Variants in NELL1 observed in about 807,000 individuals in gnomAD.
The protein encoded by NELL1 is protein kinase C-binding protein NELL1.
NELL1 carries 76 observed loss-of-function variants against 107.4 expected under a neutral mutation model. The observed-to-expected ratio is 0.71, with a 90% CI of 0.59 to 0.86. NELL1 has a LOEUF of 0.86. NELL1 is among the 40% of genes least tolerant of loss of function. The pLI, the probability that NELL1 is intolerant of heterozygous loss-of-function variation, is 0.00. For missense variants in NELL1, 1,024 were observed against 1,005.5 expected, an observed-to-expected ratio of 1.02 and a Z score of -0.25; for synonymous variants, 353 against 341.2, an observed-to-expected ratio of 1.03 and a Z score of -0.38.
intron 15 of NELL1, among the ~76,000 whole-genome samples, chr11:21,392,983 G>T (rs942685346): frequency 7.7e-6 from 1 of 130,110 alleles, no homozygotes; most frequent in African/African-American, 2.8e-5. Flanking sequence ...ACTAAAGATA[G>T]TTAAGTCAGA....
intron 2 of NELL1, among the ~76,000 whole-genome samples, chr11:20,736,464 C>A (rs1040151296): frequency 6.8e-6 from 1 of 146,140 alleles, no homozygotes; most frequent in African/African-American, 2.4e-5. Flanking sequence ...TCAAAGCTGG[C>A]CCCTGTCATC....
At chr11:21,071,764 A>G (rs1423279940) in intron 12 of NELL1, among the ~76,000 whole-genome samples, 1 of 152,174 alleles carries the variant, frequency 6.6e-6, no homozygotes, top group African/African-American at 2.4e-5. Context: ...CGGCTCTAAG[A>G]GGGGAGAGGA....
At chr11:21,235,125 G>T (rs1475485966) in intron 14 of NELL1, among the ~76,000 whole-genome samples, 1 of 152,134 alleles carries the variant, frequency 6.6e-6, no homozygotes, top group African/African-American at 2.4e-5. Flanking sequence ...AAGAATTCAG[G>T]AAGGTGCCAA....
At chr11:21,088,583 A>G (rs1854452581) in intron 12 of NELL1, among the ~76,000 whole-genome samples, 1 of 152,144 alleles carries the variant, frequency 6.6e-6, no homozygotes, top group African/African-American at 2.4e-5. Flanking sequence ...TTTTTTTCTT[A>G]ACTTTACACA....
chr11:21,307,743 G>A (rs1849638810), intron 14 of NELL1, among the ~76,000 whole-genome samples: 1 of 151,810 alleles, frequency 6.6e-6, no homozygotes, highest in Admixed American at 6.6e-5. Flanking sequence ...TAAGATAACA[G>A]GCAAAATTTA....
chr11:21,328,546 G>A (rs1476318794), intron 14 of NELL1, among the ~76,000 whole-genome samples: 2 of 152,138 alleles, frequency 1.3e-5, no homozygotes, highest in Non-Finnish European at 2.9e-5. Context: ...TCCCACTGGG[G>A]CACTGCCTGG....
intron 7 of NELL1, among the ~76,000 whole-genome samples, chr11:20,922,609 G>T (rs568164480): frequency 9.9e-5 from 15 of 152,044 alleles, no homozygotes; most frequent in Non-Finnish European, 1.6e-4. Flanking sequence ...GCCGATTGTG[G>T]CAGAATTCAG....
intron 2 of NELL1, among the ~76,000 whole-genome samples, chr11:20,703,766 A>G (rs535345163): frequency 1.3e-5 from 2 of 151,694 alleles, no homozygotes; most frequent in African/African-American, 4.9e-5. Flanking sequence ...TATGTACCCG[A>G]AAGTCATTCA....
chr11:21,391,673 G>A (rs1851881608), intron 15 of NELL1, among the ~76,000 whole-genome samples: 1 of 151,474 alleles, frequency 6.6e-6, no homozygotes, highest in Non-Finnish European at 1.5e-5. Context: ...TTTGAGACAG[G>A]GTCTCACCCT....
intron 2 of NELL1, 125 bp from the exon 3 acceptor site, chr11:20,783,555 A>G: frequency 1.6e-6 from 1 of 628,024 alleles, no homozygotes; most frequent in Non-Finnish European, 2.6e-6. Context: ...GACATTTTTA[A>G]CCATGGATCT....
chr11:21,012,470 T>A (rs1852469458), intron 12 of NELL1, among the ~76,000 whole-genome samples: 1 of 152,120 alleles, frequency 6.6e-6, no homozygotes, highest in African/African-American at 2.4e-5. Flanking sequence ...GGACAAGCTA[T>A]GATCCTTGGT....
intron 13 of NELL1, among the ~76,000 whole-genome samples, chr11:21,153,675 G>A: frequency 6.6e-6 from 1 of 152,052 alleles, no homozygotes; most frequent in Non-Finnish European, 1.5e-5. Flanking sequence ...TGGCCTTTTG[G>A]CTAAGATCAA....
intron 15 of NELL1, among the ~76,000 whole-genome samples, chr11:21,505,025 G>A (rs1215789148): frequency 6.6e-6 from 1 of 152,110 alleles, no homozygotes; most frequent in Non-Finnish European, 1.5e-5. Flanking sequence ...TTTGAATGAA[G>A]TGAAATATTT....
intron 12 of NELL1, among the ~76,000 whole-genome samples, chr11:21,093,080 G>A (rs150138884): frequency 5.8e-4 from 88 of 152,280 alleles, no homozygotes; most frequent in African/African-American, 2.1e-3. Context: ...TCAGGGGTGG[G>A]AGGAGGAAAA....
chr11:21,373,464 A>T (rs1319309143), intron 15 of NELL1, among the ~76,000 whole-genome samples: 1 of 152,100 alleles, frequency 6.6e-6, no homozygotes, highest in Admixed American at 6.6e-5. Context: ...TAATTTTAAG[A>T]CTAAGTAAAT....
At chr11:21,284,287 G>T (rs760892494) in intron 14 of NELL1, 119 of 457,076 alleles carry the variant, frequency 2.6e-4, no homozygotes, top group Non-Finnish European at 4.4e-4. Flanking sequence ...TAGTTGTTTG[G>T]GAAAACACAG....
At chr11:21,262,077 G>C (rs185152566) in intron 14 of NELL1, among the ~76,000 whole-genome samples, 3 of 151,598 alleles carry the variant, frequency 2.0e-5, no homozygotes, top group African/African-American at 4.8e-5. Context: ...ATAGCTCTTC[G>C]TTCCTCTTGT....
At position 21,415,893 on chromosome 11, in the gene NELL1, T is replaced by A. The variant is rs1852507557; in HGVS notation, c.1645+44945T>A. Among the ~76,000 whole-genome samples the A allele has an allele frequency of 2.6e-5, 4 of 152,086 alleles. No homozygotes were observed. In the South Asian group the frequency reaches 8.3e-4, roughly 32 times the overall value. On this transcript the variant is annotated intron_variant, in intron 15 of 19. Transcript: ENST00000357134. ...AGGTTCCATTCATCAGGGACTGTTA[T>A]TTCCATAGTCCTTAAAATTCAGCAT...
At chr11:21,271,351 T>G (rs971047971) in intron 14 of NELL1, among the ~76,000 whole-genome samples, 32 of 152,186 alleles carry the variant, frequency 2.1e-4, no homozygotes, top group Non-Finnish European at 4.1e-4. Flanking sequence ...AGCAATATTA[T>G]GAACAACTCT....
Sources: allele counts gnomAD v4.1 joint callset (sites outside exome capture counted in the v4.1 genomes callset), GRCh38; gene constraint gnomAD v4.1.1; transcripts MANE v1.5; gene names NCBI Gene and HGNC (gene_info 2026-07-23, HGNC 2026-07-21).